The following NECTIN3 variants were observed in gnomAD, a reference collection of about 807,000 sequenced individuals.
NECTIN3 encodes nectin cell adhesion molecule 3, also known as nectin-3.
In NECTIN3, 8 loss-of-function variants were observed where a neutral mutation model predicts 49.4. That is an observed-to-expected ratio of 0.16 (90% CI 0.10 to 0.29). NECTIN3 has a LOEUF of 0.29. Ranked by LOEUF, NECTIN3 falls within the 10% of genes least tolerant of loss-of-function variation. The pLI is 1.00. For synonymous variants in NECTIN3, 277 were observed against 241.1 expected (o/e 1.15, Z -1.38); for missense variants, 581 against 654.6 (o/e 0.89, Z 1.23).
At chr3:111,153,783 TAC>T (rs1327125282) in intron 7 of NECTIN3, among the ~76,000 whole-genome samples, 1 of 152,166 alleles carries the variant, frequency 6.6e-6, no homozygotes, top group Non-Finnish European at 1.5e-5. Flanking sequence ...ATATGGAGTC[TAC>T]ACTGTTTGAT....
Position 111,134,986 on chromosome 3 carries a change from T to G in NECTIN3, c.*771T>G, listed in dbSNP as rs2034526903. 1.0e-6 allele frequency: 1 copy of G among 976,946 alleles called. No individual in the cohort carries two copies. Among genetic ancestry groups the G allele is most frequent in the Non-Finnish European group, 1.2e-6 (1 of 823,230 alleles). 60.5% of individuals were successfully genotyped at this position (976,946 alleles called of 1,614,324 possible). A position where few individuals can be genotyped will look rare whatever the true frequency, so the allele number is the denominator to read the frequency against. ...CATGATAATTATTAGTTTTTTTTTT[T>G]CCTTTCTGGAACATGGATTTTGGTA... On this transcript the variant is annotated 3_prime_UTR_variant, in exon 6 of 6. Transcript: ENST00000485303.
intron 7 of NECTIN3, among the ~76,000 whole-genome samples, chr3:111,157,184 T>C (rs16857689): frequency 0.041 from 6,201 of 152,246 alleles, 177 homozygotes; most frequent in East Asian, 0.074. Context: ...GTTTCAGTCA[T>C]TGATACTGCT....
intron 1 of NECTIN3, among the ~76,000 whole-genome samples, chr3:111,084,350 T>C (rs1233836478): frequency 6.6e-6 from 1 of 152,186 alleles, no homozygotes; most frequent in Non-Finnish European, 1.5e-5. Flanking sequence ...AGGCATGAAT[T>C]GGCATAACAT....
chr3:111,110,924 T>A (rs929967864), intron 1 of NECTIN3, among the ~76,000 whole-genome samples: 1 of 152,026 alleles, frequency 6.6e-6, no homozygotes, highest in Non-Finnish European at 1.5e-5. Flanking sequence ...TTTTACCATA[T>A]TTGGATGTGT....
At chr3:111,126,857 G>T (rs2034181831) in intron 5 of NECTIN3, among the ~76,000 whole-genome samples, 1 of 152,096 alleles carries the variant, frequency 6.6e-6, no homozygotes, top group African/African-American at 2.4e-5. Flanking sequence ...AATAAAATTT[G>T]TGATGTTTTT....
chr3:111,084,942 A>C (rs2031840359), intron 1 of NECTIN3, among the ~76,000 whole-genome samples: 1 of 152,220 alleles, frequency 6.6e-6, no homozygotes, highest in African/African-American at 2.4e-5. Flanking sequence ...GAAGTCTGAA[A>C]TCAAGGTGTA....
chr3:111,179,890 CAAAAA>C (rs10715848), intron 7 of NECTIN3, among the ~76,000 whole-genome samples: 1 of 116,980 alleles, frequency 8.5e-6, no homozygotes. Flanking sequence ...GACTCTGTCT[CAAAAA>C]AAAAAAAAAA....
At chr3:111,185,741 A>C (rs2107535291) in intron 7 of NECTIN3, among the ~76,000 whole-genome samples, 1 of 152,302 alleles carries the variant, frequency 6.6e-6, no homozygotes, top group African/African-American at 2.4e-5. Flanking sequence ...AATTCCAGAA[A>C]TCTCTTTGTT....
intron 1 of NECTIN3, among the ~76,000 whole-genome samples, chr3:111,105,654 A>T (rs1461243586): frequency 1.3e-5 from 2 of 152,042 alleles, no homozygotes; most frequent in Admixed American, 1.3e-4. Context: ...AAGACATTTC[A>T]TTTGTTCCTT....
intron 1 of NECTIN3, chr3:111,074,073 G>A (rs771281052): frequency 2.8e-6 from 1 of 354,960 alleles, no homozygotes; most frequent in Non-Finnish European, 5.6e-6. Context: ...TTGTATTCCT[G>A]TGTGCTACTC....
Position 111,134,857 on chromosome 3 carries a change from GT to G in NECTIN3, c.*643del, listed in dbSNP as rs1330772866. On this transcript the variant is annotated 3_prime_UTR_variant, in exon 6 of 6. Coordinates refer to ENST00000485303, the MANE Select transcript of NECTIN3 (RefSeq NM_015480.3). ...AAAGATATTTTGTTGCACTAAAACT[GT>G]GGTAGTAAACTCAGTGAACATGATG... 1 of 982,748 alleles carries G rather than the reference GT, an allele frequency of 1.0e-6. No individual in the cohort carries two copies. The allele number at this position is 982,748 out of a possible 1,614,324, so 60.9% of individuals were successfully genotyped here.
intron 5 of NECTIN3, among the ~76,000 whole-genome samples, chr3:111,132,970 T>G (rs535495371): frequency 4.6e-5 from 7 of 151,854 alleles, no homozygotes; most frequent in African/African-American, 1.7e-4. Context: ...TTTTATTTTT[T>G]TAAATTACTA....
At chr3:111,193,233 G>T (rs2035844314) in intron 1 of NECTIN3, 1 of 1,535,570 alleles carries the variant, frequency 6.5e-7, no homozygotes, top group South Asian at 1.2e-5. Context: ...TGACTATGAA[G>T]ATGAGAATCC....
chr3:111,097,192 G>A (rs1196351395), intron 1 of NECTIN3, among the ~76,000 whole-genome samples: 1 of 152,180 alleles, frequency 6.6e-6, no homozygotes. Context: ...GGAGATCAAA[G>A]GAGATCATTT....
At chr3:111,173,866 A>G (rs945562450) in intron 7 of NECTIN3, among the ~76,000 whole-genome samples, 2 of 151,180 alleles carry the variant, frequency 1.3e-5, no homozygotes, top group African/African-American at 2.4e-5. Flanking sequence ...TGTTTTTTGC[A>G]TGGTTTTGTT....
chr3:111,095,767 A>C (rs1028516035), intron 1 of NECTIN3, among the ~76,000 whole-genome samples: 2 of 152,144 alleles, frequency 1.3e-5, no homozygotes, highest in Non-Finnish European at 2.9e-5. Flanking sequence ...CAAGCCCTCT[A>C]TGCCTGTAGC....
chr3:111,156,259 T>G (rs888079426), intron 7 of NECTIN3, among the ~76,000 whole-genome samples: 14 of 152,200 alleles, frequency 9.2e-5, no homozygotes, highest in African/African-American at 3.4e-4. Context: ...CACTTTTGTT[T>G]TTGAATCTAT....
chr3:111,118,829 A>G lies in NECTIN3; in HGVS notation c.676A>G (p.Thr226Ala). 6.2e-7 allele frequency: 1 copy of G among 1,614,190 alleles called. No homozygotes were observed. Among genetic ancestry groups the G allele is most frequent in the Non-Finnish European group, 8.5e-7 (1 of 1,180,030 alleles). The part of the protein sequence containing the change: ...TTTSFPNETA[T>A]IISQYKLFPT... ...AACTTCTTTTCCAAATGAAACGGCAACGATTATCAGCCAGTACAAGCTATT... is the reference window on the plus strand; with the variant it reads ...AACTTCTTTTCCAAATGAAACGGCAGCGATTATCAGCCAGTACAAGCTATT... Residue 226 changes from threonine (T) to alanine (A), a missense_variant, in exon 3 of 6, where the codon ACG becomes GCG. Thr to Ala is a moderately conservative substitution (Grantham distance 58, BLOSUM62 0). Transcript: ENST00000485303.
intron 1 of NECTIN3, among the ~76,000 whole-genome samples, chr3:111,080,030 T>C (rs1260333948): frequency 6.6e-6 from 1 of 152,118 alleles, no homozygotes; most frequent in Non-Finnish European, 1.5e-5. Context: ...ATTTTTTTCT[T>C]TTAAACTGGT....
Sources: allele counts gnomAD v4.1 joint callset (sites outside exome capture counted in the v4.1 genomes callset), GRCh38; gene constraint gnomAD v4.1.1; transcripts MANE v1.5; gene names NCBI Gene and HGNC (gene_info 2026-07-23, HGNC 2026-07-21).